YY1AP1: variants seen among roughly 807,000 people sequenced by gnomAD.
YY1AP1 encodes the protein YY1-associated protein 1.
YY1AP1 carries 43 observed loss-of-function variants against 39.9 expected under a neutral mutation model. That is an observed-to-expected ratio of 1.08 (90% CI 0.84 to 1.39). YY1AP1 has a LOEUF of 1.39. Ranked by LOEUF, YY1AP1 falls within the 40% of genes most tolerant of loss-of-function variation. The probability of loss-of-function intolerance (pLI) is 0.00; values close to 1 mark genes in which losing one functional copy is unlikely to be tolerated. For missense variants in YY1AP1, 813 were observed against 900.7 expected (o/e 0.90, Z 1.25); for synonymous variants, 292 against 331.3 (o/e 0.88, Z 1.29).
chr1:155,680,368 G>A, intron 3 of YY1AP1, 48 bp downstream of exon 3: 1 of 1,608,896 alleles, frequency 6.2e-7, no homozygotes, highest in Non-Finnish European at 8.5e-7. Flanking sequence ...CATTTTGTTG[G>A]AGAACCAACT....
chr1:155,671,833 T>C (rs1460037627), intron 7 of YY1AP1, among the ~76,000 whole-genome samples: 2 of 152,214 alleles, frequency 1.3e-5, no homozygotes, highest in African/African-American at 2.4e-5. Flanking sequence ...GTGTCTATGA[T>C]ATAGTACACT....
Position 155,688,132 on chromosome 1 carries a change from G to C in YY1AP1, c.-82C>G, listed in dbSNP as rs1652816267. 6.2e-7 allele frequency: 1 copy of C among 1,612,680 alleles called. No individual in the cohort carries two copies. Among genetic ancestry groups the C allele is most frequent in the Non-Finnish European group, 8.5e-7 (1 of 1,179,012 alleles). On this transcript the variant is annotated 5_prime_UTR_variant, in exon 2 of 11. Coordinates refer to ENST00000355499, the MANE Select transcript of YY1AP1 (RefSeq NM_139119.3). ...GTGAGGAAGAGGGGGTGGCCGCCAG[G>C]CTCCTCCGCTTCCCTGGGTCCACCG...
intron 2 of YY1AP1, among the ~76,000 whole-genome samples, chr1:155,687,079 T>C (rs1490805898): frequency 6.6e-6 from 1 of 152,204 alleles, no homozygotes; most frequent in Non-Finnish European, 1.5e-5. Context: ...CCTACCATTT[T>C]CACAGAGATT....
At chr1:155,669,515 T>C (rs373280504) in intron 8 of YY1AP1, among the ~76,000 whole-genome samples, 6 of 152,174 alleles carry the variant, frequency 3.9e-5, no homozygotes, top group East Asian at 1.9e-4. Context: ...TGTCAGATCA[T>C]GATGAGCTGT....
At chr1:155,671,690 A>G (rs974220481) in intron 7 of YY1AP1, among the ~76,000 whole-genome samples, 2 of 152,144 alleles carry the variant, frequency 1.3e-5, no homozygotes, top group Non-Finnish European at 2.9e-5. Flanking sequence ...TTCTCCTTCC[A>G]TAAGTGTCAT....
At chr1:155,688,328 C>G (rs1412972364) in intron 1 of YY1AP1, 127 bp from the exon 2 acceptor site, 4 of 1,548,904 alleles carry the variant, frequency 2.6e-6, no homozygotes, top group Non-Finnish European at 3.5e-6. Context: ...ATGGCGGCGG[C>G]AGCGGCGGCA....
Position 155,659,909 on chromosome 1 carries a change from G to A in YY1AP1, c.2001C>T (p.Leu667=). 1.9e-6 allele frequency: 3 copies of A among 1,614,246 alleles called. No homozygotes were observed. The highest frequency in any genetic ancestry group is 2.5e-6 in the Non-Finnish European group (3 of 1,180,042). ...CCACTTTGGGGAAAACAGTAGCAGA[G>A]AGAGGAGATAGTTCCTGGGGCTCTA... ...PKLEPQELSP[L]SATVFPKVEH... is the part of the protein sequence containing the mutation. Residue 667 remains leucine, a synonymous_variant, in exon 11 of 11, where the codon CTC becomes CTT. Transcript: ENST00000355499.
chr1:155,669,132 C>T (rs138068198), intron 8 of YY1AP1, among the ~76,000 whole-genome samples: 2 of 152,274 alleles, frequency 1.3e-5, no homozygotes, highest in East Asian at 1.9e-4. Context: ...TGCCTGGGTT[C>T]AATCGATTCC....
chr1:155,663,577 G>C (rs1172064984), intron 9 of YY1AP1, among the ~76,000 whole-genome samples: 64 of 151,458 alleles, frequency 4.2e-4, no homozygotes, highest in Non-Finnish European at 8.8e-5. Context: ...AAATTAGCAG[G>C]GTGTGGTGGT....
intron 9 of YY1AP1, among the ~76,000 whole-genome samples, chr1:155,665,474 CTA>C (rs1648838635): frequency 1.3e-5 from 2 of 151,890 alleles, no homozygotes; most frequent in African/African-American, 4.8e-5. Flanking sequence ...TGGCATGTGC[CTA>C]TAATCCCAGC....
At chr1:155,677,309 T>C (rs1190261101) in intron 4 of YY1AP1, among the ~76,000 whole-genome samples, 3 of 152,214 alleles carry the variant, frequency 2.0e-5, no homozygotes, top group African/African-American at 7.2e-5. Context: ...GGCTATCTTC[T>C]TTTAGCCCTT....
At chr1:155,669,612 C>A (rs529462950) in intron 8 of YY1AP1, among the ~76,000 whole-genome samples, 12 of 152,248 alleles carry the variant, frequency 7.9e-5, no homozygotes, top group Admixed American at 2.6e-4. Context: ...ATAATAGGTA[C>A]CCCGTCAGAC....
intron 10 of YY1AP1, 24 bp downstream of exon 10, chr1:155,661,283 A>T: frequency 6.2e-7 from 1 of 1,613,970 alleles, no homozygotes; most frequent in Non-Finnish European, 8.5e-7. Context: ...TGCCTCCTAC[A>T]GACTTCGAGG....
intron 9 of YY1AP1, among the ~76,000 whole-genome samples, chr1:155,661,755 A>T (rs10158935): frequency 0.017 from 2,655 of 152,252 alleles, 90 homozygotes; most frequent in African/African-American, 0.061. Context: ...TCCCAGGTTC[A>T]CGCCATTCTC....
chr1:155,660,567 A>G lies in YY1AP1; in HGVS notation c.1343T>C (p.Leu448Pro). 2 of 1,614,146 alleles carry G rather than the reference A, an allele frequency of 1.2e-6. No homozygotes were observed. The highest frequency in any genetic ancestry group is 1.7e-6 in the Non-Finnish European group (2 of 1,180,032). The change falls in exon 11 of 11, where the codon CTC (leucine) becomes CCC (proline). Residue 448 changes from leucine to proline, a missense_variant. Around this residue, in one of 3 missense-constraint regions of YY1AP1, gnomAD observed 586 missense variants for 647.4 expected, o/e 0.91. Transcript: ENST00000355499. ...TGGCTGTATTGGGTGAGGAATCCGG[A>G]GCACCATTTTGCTCGGAGGGGCTTC... ...HSEAPPSKMV[L>P]RIPHPIQPAT...
chr1:155,661,921 G>C (rs545745213), intron 9 of YY1AP1, among the ~76,000 whole-genome samples: 1 of 152,240 alleles, frequency 6.6e-6, no homozygotes, highest in African/African-American at 2.4e-5. Flanking sequence ...CTCCCAAAGT[G>C]CTAGGATTAC....
chr1:155,672,112 C>T (rs1319796047), intron 7 of YY1AP1, among the ~76,000 whole-genome samples: 1 of 152,196 alleles, frequency 6.6e-6, no homozygotes, highest in Non-Finnish European at 1.5e-5. Flanking sequence ...GTCAACATTT[C>T]ATTCAGAATG....
chr1:155,666,610 C>T (rs1285104656), intron 9 of YY1AP1, among the ~76,000 whole-genome samples: 7 of 152,056 alleles, frequency 4.6e-5, no homozygotes, highest in African/African-American at 1.7e-4. Flanking sequence ...TCCAATACAC[C>T]AGGCAGTACC....
At chr1:155,669,306 G>A (rs192332501) in intron 8 of YY1AP1, among the ~76,000 whole-genome samples, 101 of 152,272 alleles carry the variant, frequency 6.6e-4, no homozygotes, top group Middle Eastern at 3.4e-3. Context: ...CCAAAGTGTC[G>A]TCATTACAGG....
Sources: allele counts gnomAD v4.1 joint callset (sites outside exome capture counted in the v4.1 genomes callset), GRCh38; gene constraint gnomAD v4.1.1; regional missense constraint gnomAD v4.1.1; transcripts MANE v1.5; gene names NCBI Gene and HGNC (gene_info 2026-07-23, HGNC 2026-07-21).